Variants in ATM observed in about 807,000 individuals in gnomAD.
The protein encoded by ATM is serine-protein kinase ATM.
ATM carries 308 observed loss-of-function variants against 387.0 expected under a neutral mutation model. That is an observed-to-expected ratio of 0.80 (90% CI 0.73 to 0.87). The LOEUF is 0.87. Among genes scored for constraint, ATM ranks in the 40% least tolerant of loss-of-function variants. ATM has a pLI of 0.00. For synonymous variants in ATM, 1,156 were observed against 1,187.3 expected (o/e 0.97, Z 0.54); for missense variants, 3,312 against 3,560.9 (o/e 0.93, Z 1.78).
At chr11:108,361,451 A>T (rs2090742666) in intron 61 of ATM, among the ~76,000 whole-genome samples, 3 of 152,044 alleles carry the variant, frequency 2.0e-5, no homozygotes, top group Middle Eastern at 3.2e-3. Flanking sequence ...AAACTACTTT[A>T]AAGTTCATAT....
In ATM at chr11:108,295,063, C is replaced by T. The variant is rs587782125; in HGVS notation, c.4909+4C>T. The stretch of plus-strand genomic sequence containing the variant: ...GACATTATGAGAGCTTCTCAGGGTG[C>T]TAATTTTAAATGACATGGGCTATTT... On this transcript the variant is annotated splice_donor_region_variant and intron_variant, in intron 32 of 62. Coordinates refer to ENST00000675843, the MANE Select transcript of ATM (RefSeq NM_000051.4). The T allele has an allele frequency of 2.5e-6, 4 of 1,613,510 alleles. No homozygotes were observed. The East Asian group carries it at 6.7e-5, about 27-fold the overall frequency.
rs141087784 is a variant in ATM, at chr11:108,289,015, C to T, written c.4148C>T (p.Ser1383Leu). 78 of 1,613,348 alleles carry T rather than the reference C, an allele frequency of 4.8e-5. No homozygotes were observed. The highest frequency in any genetic ancestry group is 1.3e-4 in the Admixed American group (8 of 59,980). ...GCTCCTAATCCACCTCATTTTCCAT[C>T]GCATGTGATTAAAGCAACATTTGCC... The part of the protein sequence containing the change: ...DPAPNPPHFP[S>L]HVIKATFAYI... Residue 1383 changes from serine (S) to leucine (L), a missense_variant, in exon 28 of 63, where the codon TCG (serine) becomes TTG (leucine). By Grantham distance (145) the Ser-to-Leu change is moderately radical (BLOSUM62 -2). Transcript: ENST00000675843.
chr11:108,311,204 C>T (rs963256716), intron 39 of ATM, among the ~76,000 whole-genome samples: 11 of 152,018 alleles, frequency 7.2e-5, no homozygotes, highest in African/African-American at 1.7e-4. Flanking sequence ...CAAGCTCCTA[C>T]GTTCAAGCAG....
intron 37 of ATM, 94 bp from the exon 38 acceptor site, chr11:108,307,803 T>G: frequency 2.6e-6 from 3 of 1,147,712 alleles, no homozygotes; most frequent in Non-Finnish European, 3.9e-6. Context: ...ACCAGAACCT[T>G]ATAGCATAGT....
In ATM at chr11:108,325,328, ACT is replaced by A. The variant is rs747057367; in HGVS notation, c.6596_6597del (p.Ser2199Ter). 6.2e-7 allele frequency: 1 copy of A among 1,608,946 alleles called. No homozygotes were observed. ...CATTCAGATCAGTCACACATAGACA[ACT>A]CTCTGAAGTATATATTAAGTGGCAG... ...LFSRSVTHRQLSEVYIKWQKH... is the reference protein window; with the variant it reads ...LFSRSVTHRQXSEVYIKWQKH... On this transcript the variant is annotated frameshift_variant, in exon 46 of 63. Transcript: ENST00000675843. LOFTEE classifies it high-confidence loss of function.
intron 43 of ATM, among the ~76,000 whole-genome samples, chr11:108,318,449 G>C (rs1591797911): frequency 6.6e-6 from 1 of 152,106 alleles, no homozygotes; most frequent in East Asian, 1.9e-4. Context: ...CCAGCACTTG[G>C]AGAGCTGAGG....
At chr11:108,317,735 T>C (rs117867175) in intron 43 of ATM, among the ~76,000 whole-genome samples, 2 of 148,218 alleles carry the variant, frequency 1.3e-5, no homozygotes, top group Admixed American at 6.7e-5. Flanking sequence ...TAAAAAAATA[T>C]ATAGTAGATG....
chr11:108,286,086 C>G (rs960454886), intron 26 of ATM, among the ~76,000 whole-genome samples: 4 of 151,968 alleles, frequency 2.6e-5, no homozygotes, highest in African/African-American at 9.7e-5. Flanking sequence ...AATCCCAGCA[C>G]TTTGGGAGGC....
intron 45 of ATM, among the ~76,000 whole-genome samples, chr11:108,324,687 T>A (rs987325597): frequency 6.6e-6 from 1 of 152,230 alleles, no homozygotes; most frequent in South Asian, 2.1e-4. Context: ...TTCCTCTTTC[T>A]TATTTCTTTC....
Position 108,365,441 on chromosome 11 carries a change from T to C in ATM, c.9104T>C (p.Leu3035Pro), listed in dbSNP as rs1272213516. The change falls in exon 63 of 63, where the codon CTC becomes CCC. Residue 3035 changes from leucine to proline, a missense_variant. By Grantham distance (98) the Leu-to-Pro change is moderately conservative. Transcript: ENST00000675843. ...VLSVGGQVNL[L>P]IQQAIDPKNL... The stretch of plus-strand genomic sequence containing the variant: ...AGTGTTGGTGGACAAGTGAATTTGC[T>C]CATACAGCAGGCCATAGACCCCAAA... The C allele has an allele frequency of 1.2e-6, 2 of 1,614,188 alleles. No homozygotes were observed. Among genetic ancestry groups the C allele is most frequent in the East Asian group, 2.2e-5 (1 of 44,884 alleles).
chr11:108,291,633 G>A (rs1451186131), intron 29 of ATM, among the ~76,000 whole-genome samples: 6 of 152,178 alleles, frequency 3.9e-5, no homozygotes, highest in African/African-American at 7.2e-5. Flanking sequence ...GCCTTGTGTG[G>A]TCACTGAAAA....
chr11:108,299,647 A>G, intron 33 of ATM, 67 bp from the exon 34 acceptor site: 1 of 1,489,970 alleles, frequency 6.7e-7, no homozygotes, highest in Non-Finnish European at 9.3e-7. Context: ...TTTTGAAATT[A>G]GAAAATTTCA....
chr11:108,232,561 A>G (rs1327088761), intron 4 of ATM, among the ~76,000 whole-genome samples: 2 of 101,416 alleles, frequency 2.0e-5, no homozygotes, highest in Non-Finnish European at 3.8e-5. Context: ...TTTTTTTGAG[A>G]CAGAGTCTTG....
intron 35 of ATM, 64 bp from the exon 36 acceptor site, chr11:108,302,789 G>T (rs964467290): frequency 6.9e-7 from 1 of 1,442,146 alleles, no homozygotes; most frequent in Non-Finnish European, 9.7e-7. Context: ...TACTCATTTT[G>T]TGTAGGAAAG....
chr11:108,309,126 C>G (rs1018049929), intron 38 of ATM: 5 of 990,606 alleles, frequency 5.0e-6, no homozygotes, highest in Admixed American at 2.0e-5. Flanking sequence ...GCATTCAAGT[C>G]CAAGCTTGTG....
At chr11:108,251,461 T>C (rs1162933317) in intron 10 of ATM, among the ~76,000 whole-genome samples, 1 of 152,216 alleles carries the variant, frequency 6.6e-6, no homozygotes, top group East Asian at 1.9e-4. Flanking sequence ...CTCTTCTTGC[T>C]GTTTGGAAAT....
chr11:108,287,247 A>G, intron 26 of ATM: 1 of 162,826 alleles, frequency 6.1e-6, no homozygotes, highest in South Asian at 1.8e-4. Context: ...AAATTCAGAT[A>G]GAGGAGCAGT....
In ATM at chr11:108,290,638, C is replaced by CAAAAAA. The variant is rs10603787; in HGVS notation, c.4436+861_4436+866dup. On this transcript the variant is annotated intron_variant, in intron 29 of 62. Coordinates refer to ENST00000675843, the MANE Select transcript of ATM (RefSeq NM_000051.4). Reference sequence around the variant, plus strand: ...GGGAGACAGAGCGAGACTCTTGTCTCAAAAAAAAAAAAAAAAAAAAAAAAA... The same window carrying CAAAAAA: ...GGGAGACAGAGCGAGACTCTTGTCTCAAAAAAAAAAAAAAAAAAAAAAAAAAAAAAA... 6.3e-4 allele frequency: 43 copies of CAAAAAA among 68,644 alleles called. 1 individual carries two copies. Among genetic ancestry groups the CAAAAAA allele is most frequent in the African/African-American group, 1.9e-3 (29 of 15,372 alleles). 4.3% of individuals were successfully genotyped at this position (68,644 alleles called of 1,614,324 possible).
At position 108,229,535 on chromosome 11, in the gene ATM, A is replaced by G. The variant is rs2078910749; in HGVS notation, c.331+212A>G. 8.1e-6 allele frequency: 4 copies of G among 496,868 alleles called. 1 individual carries two copies. The South Asian group carries it at 8.1e-5, about 10-fold the overall frequency. The allele number at this position is 496,868 out of a possible 1,614,324, so 30.8% of individuals were successfully genotyped here. On this transcript the variant is annotated intron_variant, in intron 4 of 62. Coordinates refer to ENST00000675843, the MANE Select transcript of ATM (RefSeq NM_000051.4). The stretch of plus-strand genomic sequence containing the variant: ...TAGTCAAGTGAAGCAGTGGGAGTTT[A>G]GAAGGAACAAAGAAATCTGTAACTG...
Sources: allele counts gnomAD v4.1 joint callset (sites outside exome capture counted in the v4.1 genomes callset), GRCh38; gene constraint gnomAD v4.1.1; transcripts MANE v1.5; gene names NCBI Gene and HGNC (gene_info 2026-07-23, HGNC 2026-07-21).